Variants in ATG16L2 observed in about 807,000 individuals in gnomAD.
The protein encoded by ATG16L2 is autophagy related 16 like 2, also known as protein Atg16l2.
In ATG16L2, 77 loss-of-function variants were observed where a neutral mutation model predicts 84.7. The ratio of observed to expected loss-of-function variants is 0.91; its 90% CI spans 0.76 to 1.10. The LOEUF is 1.10. ATG16L2 is among the 50% of genes least tolerant of loss of function. The pLI, the probability that ATG16L2 is intolerant of heterozygous loss-of-function variation, is 0.00. For synonymous variants in ATG16L2, 361 were observed against 342.8 expected, an observed-to-expected ratio of 1.05 and a Z score of -0.59; for missense variants, 782 against 817.6, an observed-to-expected ratio of 0.96 and a Z score of 0.53.
chr11:72,822,185 G>A lies in ATG16L2; in HGVS notation c.534G>A (p.Glu178=), dbSNP rs1472814762. 4 of 1,500,572 alleles carry A rather than the reference G, an allele frequency of 2.7e-6. No homozygotes were observed. The highest frequency in any genetic ancestry group is 2.3e-5 in the Admixed American group (1 of 44,054). 93.0% of individuals were successfully genotyped at this position (1,500,572 alleles called of 1,614,324 possible). Residue 178 remains glutamate, a synonymous_variant, in exon 5 of 18, where the codon GAG becomes GAA. Transcript: ENST00000321297. The surrounding 1 kb of genome is among the most constrained non-coding windows in gnomAD (Gnocchi z 4.2). ...TGCGCGCGCACGTCGGGCTCCGGGA[G>A]GCGGCACTGCGCAGGCTCCAGGAAG... ...EALRAHVGLR[E]AALRRLQEEA... is the part of the protein sequence containing the mutation.
At chr11:72,823,560 C>A in intron 7 of ATG16L2, 1 of 417,850 alleles carries the variant, frequency 2.4e-6, no homozygotes, top group Non-Finnish European at 4.7e-6. Flanking sequence ...CTTGCAGGTC[C>A]CTGGTGTCCA....
intron 5 of ATG16L2, among the ~76,000 whole-genome samples, chr11:72,840,679 C>T (rs1235892925): frequency 6.6e-6 from 1 of 152,186 alleles, no homozygotes; most frequent in African/African-American, 2.4e-5. Context: ...GAAAAAAGTT[C>T]CAGTGTAGAT....
At chr11:72,832,093 G>T (rs1014830974), downstream of ATG16L2, among the ~76,000 whole-genome samples, 2 of 152,202 alleles carry the variant, frequency 1.3e-5, no homozygotes, top group African/African-American at 4.8e-5. Context: ...TGAGGGACAT[G>T]CAGGGACACA....
chr11:72,828,287 G>A (rs1318628067), intron 14 of ATG16L2, 72 bp from the exon 15 acceptor site: 2 of 1,567,288 alleles, frequency 1.3e-6, no homozygotes, highest in Non-Finnish European at 1.7e-6. Context: ...AGGCTGCTGC[G>A]CCTGGCCCCT....
At chr11:72,838,184 T>C (rs1334017984) in intron 5 of ATG16L2, 1 of 152,614 alleles carries the variant, frequency 6.6e-6, no homozygotes, top group East Asian at 1.9e-4. Flanking sequence ...ATTTTAAGTC[T>C]GTTAGTTGTG....
chr11:72,824,638 T>C, intron 8 of ATG16L2, 96 bp from the exon 9 acceptor site: 1 of 896,880 alleles, frequency 1.1e-6, no homozygotes. Context: ...GCCTGCCATG[T>C]CTGCTTCCTA....
intron 5 of ATG16L2, among the ~76,000 whole-genome samples, chr11:72,840,151 T>C (rs1190676985): frequency 1.3e-5 from 2 of 152,142 alleles, no homozygotes; most frequent in Admixed American, 1.3e-4. Context: ...TTAGCTGCCA[T>C]AGCGATGCTT....
chr11:72,841,042 C>A, intron 5 of ATG16L2: 1 of 1,026,628 alleles, frequency 9.7e-7, no homozygotes, highest in Non-Finnish European at 1.5e-6. Context: ...GTGGCTTGAG[C>A]CTGTAATCCC....
chr11:72,821,955 G>T, intron 4 of ATG16L2, 89 bp from the exon 5 acceptor site: 1 of 1,434,892 alleles, frequency 7.0e-7, no homozygotes, highest in South Asian at 1.5e-5. Context: ...GTTTGGCATG[G>T]GCAGGTCTGT....
intron 8 of ATG16L2, 43 bp downstream of exon 8, chr11:72,824,165 G>A: frequency 6.2e-7 from 1 of 1,612,664 alleles, no homozygotes; most frequent in Non-Finnish European, 8.5e-7. Context: ...GTGTGTGTCG[G>A]GCTCCCCAGC....
intron 5 of ATG16L2, chr11:72,841,642 G>A: frequency 6.7e-7 from 1 of 1,500,014 alleles, no homozygotes; most frequent in East Asian, 2.4e-5. Context: ...GAGCCTGGCT[G>A]CTTCTCTGAC....
exon 6 of ATG16L2, chr11:72,842,981 A>G (rs1214414184): frequency 6.9e-6 from 6 of 868,388 alleles, no homozygotes; most frequent in African/African-American, 1.7e-5. Flanking sequence ...TCACTGATGA[A>G]TGATTAACTT....
intron 4 of ATG16L2, 125 bp downstream of exon 4, chr11:72,821,866 T>A (rs1860014284): frequency 1.4e-6 from 2 of 1,435,570 alleles, no homozygotes; most frequent in East Asian, 5.0e-5. Flanking sequence ...ACCCCATCGG[T>A]TGGTGCCAGA....
At chr11:72,815,587 C>T (rs555757256) in intron 1 of ATG16L2, among the ~76,000 whole-genome samples, 83 of 148,298 alleles carry the variant, frequency 5.6e-4, no homozygotes, top group Non-Finnish European at 4.5e-5. Flanking sequence ...GACTGAAGGG[C>T]CAGTCTTGAA....
intron 5 of ATG16L2, among the ~76,000 whole-genome samples, chr11:72,839,990 C>T (rs7110183): frequency 0.15 from 23,274 of 152,120 alleles, 2,133 homozygotes; most frequent in Non-Finnish European, 0.21. Context: ...AGAAAGCAAA[C>T]GAGGCAAATG....
rs751991718 is a variant in ATG16L2 at position 72,829,310 on chromosome 11, G to A, written c.1780G>A (p.Val594Ile). Residue 594 changes from valine (V) to isoleucine (I), a missense_variant, in exon 18 of 18, where the codon GTC (valine) becomes ATC (isoleucine). Coordinates refer to ENST00000321297, the MANE Select transcript of ATG16L2 (RefSeq NM_033388.2). The part of the protein sequence containing the change: ...SRLQGPHCAA[V>I]NAVAWCYSGS... ...GCCCCTCCCTTTCCCCAGCGCTGCC[G>A]TCAACGCCGTGGCCTGGTGCTACTC... 22 of 1,612,924 alleles carry A rather than the reference G, an allele frequency of 1.4e-5. No homozygotes were observed. Among genetic ancestry groups the A allele is most frequent in the South Asian group, 7.7e-5 (7 of 91,044 alleles).
At chr11:72,839,431 C>A (rs1179769986) in intron 5 of ATG16L2, among the ~76,000 whole-genome samples, 1 of 152,162 alleles carries the variant, frequency 6.6e-6, no homozygotes, top group Non-Finnish European at 1.5e-5. Flanking sequence ...CAGAGGCAAG[C>A]AAGAGTCCAA....
In ATG16L2 at chr11:72,828,735, T is replaced by C. The variant is rs764805382; in HGVS notation, c.1629T>C (p.Asp543=). 3.7e-6 allele frequency: 6 copies of C among 1,614,008 alleles called. No homozygotes were observed. The highest frequency in any genetic ancestry group is 4.2e-6 in the Non-Finnish European group (5 of 1,180,016). Residue 543 remains aspartate, a synonymous_variant, in exon 16 of 18, where the codon GAT becomes GAC. Transcript: ENST00000321297. ...VSNIRQVFRA[D]GFKCGSDWTK... is the part of the protein sequence containing the mutation. ...CAGCCCTGTCTGTCCTCAGGGCCGA[T>C]GGCTTCAAGTGTGGTTCTGACTGGA...
chr11:72,829,190 G>A, intron 17 of ATG16L2, 113 bp from the exon 18 acceptor site: 2 of 1,252,544 alleles, frequency 1.6e-6, no homozygotes, highest in Non-Finnish European at 2.2e-6. Flanking sequence ...GACAGATGAG[G>A]AAACAGGCTC....
Sources: allele counts gnomAD v4.1 joint callset (sites outside exome capture counted in the v4.1 genomes callset), GRCh38; gene constraint gnomAD v4.1.1; non-coding constraint Gnocchi (gnomAD v3.1); transcripts MANE v1.5; gene names NCBI Gene and HGNC (gene_info 2026-07-23, HGNC 2026-07-21).